The following MBTPS1 variants were observed in gnomAD, a reference collection of about 807,000 sequenced individuals.
MBTPS1 encodes membrane bound transcription factor peptidase, site 1, also known as membrane-bound transcription factor site-1 protease.
In MBTPS1, 94 loss-of-function variants were observed where a neutral mutation model predicts 127.8. The ratio of observed to expected loss-of-function variants is 0.74; its 90% CI spans 0.62 to 0.87. MBTPS1 has a LOEUF of 0.87. Among genes scored for constraint, MBTPS1 ranks in the 40% least tolerant of loss-of-function variants. The pLI, the probability that MBTPS1 is intolerant of heterozygous loss-of-function variation, is 0.00. For synonymous variants in MBTPS1, 632 were observed against 509.4 expected (o/e 1.24, Z -3.24); for missense variants, 1,636 against 1,353.2 (o/e 1.21, Z -3.28).
chr16:84,071,317 G>A (rs2085767034), intron 12 of MBTPS1, among the ~76,000 whole-genome samples: 1 of 152,240 alleles, frequency 6.6e-6, no homozygotes, highest in Non-Finnish European at 1.5e-5. Flanking sequence ...AGCGTGAGCA[G>A]AGGCCATCTG....
At position 84,059,284 on chromosome 16, in the gene MBTPS1, G is replaced by A. The variant is rs2085569927; in HGVS notation, c.2831+18C>T. 2 of 1,609,128 alleles carry A rather than the reference G, an allele frequency of 1.2e-6. No homozygotes were observed. The highest frequency in any genetic ancestry group is 1.3e-5 in the African/African-American group (1 of 74,882). On this transcript the variant is annotated intron_variant, in intron 21 of 22. Transcript: ENST00000343411. ...CAAGCCCCGTGGAAAGAGTGGAAGG[G>A]CACAGGCGGACACTAACCTGGGCGC...
intron 10 of MBTPS1, among the ~76,000 whole-genome samples, chr16:84,083,492 T>C (rs2085972360): frequency 6.6e-6 from 1 of 152,000 alleles, no homozygotes; most frequent in South Asian, 2.1e-4. Context: ...GGTCTCACTA[T>C]GTTGCCCCAG....
chr16:84,090,755 A>T, intron 8 of MBTPS1, 120 bp downstream of exon 8: 1 of 746,738 alleles, frequency 1.3e-6, no homozygotes, highest in Non-Finnish European at 2.3e-6. Flanking sequence ...AAACATCCTT[A>T]AGACAAGTTT....
chr16:84,060,377 T>A (rs563768970), intron 20 of MBTPS1: 1 of 260,958 alleles, frequency 3.8e-6, no homozygotes, highest in East Asian at 7.5e-5. Flanking sequence ...TGAAGATCTG[T>A]AGGAGCCACT....
intron 22 of MBTPS1, 137 bp from the exon 23 acceptor site, chr16:84,054,782 T>C: frequency 1.6e-6 from 1 of 634,682 alleles, no homozygotes; most frequent in Non-Finnish European, 2.6e-6. Context: ...ATACATCATT[T>C]TTAAGCCTTA....
chr16:84,106,491 A>T (rs911719672), intron 1 of MBTPS1, among the ~76,000 whole-genome samples: 1 of 152,172 alleles, frequency 6.6e-6, no homozygotes, highest in Non-Finnish European at 1.5e-5. Context: ...AAAGCAAGTG[A>T]AAAGGCCCTG....
intron 11 of MBTPS1, among the ~76,000 whole-genome samples, chr16:84,079,944 T>C (rs541908979): frequency 1.3e-5 from 2 of 152,200 alleles, no homozygotes; most frequent in Admixed American, 6.5e-5. Context: ...AGTGCCCAGG[T>C]CTTGATTTCT....
rs932506517 is a variant in MBTPS1 at position 84,084,966 on chromosome 16, T to C, written c.1286+17A>G. On this transcript the variant is annotated intron_variant, in intron 10 of 22. Coordinates refer to ENST00000343411, the MANE Select transcript of MBTPS1 (RefSeq NM_003791.4). ...TCCTGACGTGGGAGCTACTGGTCTCTAGGGGGCAGCACTCACCTCACTAAC... is the reference window on the plus strand; with the variant it reads ...TCCTGACGTGGGAGCTACTGGTCTCCAGGGGGCAGCACTCACCTCACTAAC... 3.1e-6 allele frequency: 5 copies of C among 1,612,504 alleles called. No homozygotes were observed. Among genetic ancestry groups the C allele is most frequent in the Non-Finnish European group, 4.2e-6 (5 of 1,179,248 alleles).
intron 7 of MBTPS1, 29 bp from the exon 8 acceptor site, chr16:84,090,971 G>GGGATAC: frequency 7.6e-7 from 1 of 1,320,690 alleles, no homozygotes; most frequent in Non-Finnish European, 1.1e-6. Flanking sequence ...TTTAATGAAA[G>GGGATAC]TATCCCTTTC....
chr16:84,085,085 C>T lies in MBTPS1; in HGVS notation c.1184G>A (p.Gly395Asp). ...GRMKPDIVTY[G>D]AGVRGSGVKG... ...CACGCCAGAACCCCGCACGCCAGCA[C>T]CATAGGTGACAATGTCAGGTTTCAT... The change falls in exon 10 of 23, where the codon GGT (glycine) becomes GAT (aspartate). Residue 395 changes from glycine (G) to aspartate (D), a missense_variant. Physicochemically the swap from Gly to Asp is moderately conservative, Grantham distance 94. Transcript: ENST00000343411. The T allele has an allele frequency of 1.2e-6, 2 of 1,614,194 alleles. No individual in the cohort carries two copies. Among genetic ancestry groups the T allele is most frequent in the Non-Finnish European group, 1.7e-6 (2 of 1,180,040 alleles).
intron 1 of MBTPS1, among the ~76,000 whole-genome samples, chr16:84,114,735 C>A (rs2086445780): frequency 6.7e-6 from 1 of 149,770 alleles, no homozygotes; most frequent in African/African-American, 2.5e-5. Context: ...GAGGCTGAGG[C>A]AGGAGAATCG....
At chr16:84,087,923 A>T (rs2086053810) in intron 8 of MBTPS1, among the ~76,000 whole-genome samples, 1 of 152,108 alleles carries the variant, frequency 6.6e-6, no homozygotes, top group Non-Finnish European at 1.5e-5. Flanking sequence ...ATAACCACAC[A>T]TTTACATCTG....
chr16:84,059,973 CTG>C (rs10535167), intron 20 of MBTPS1: 30,324 of 152,584 alleles, frequency 0.2, 3,577 homozygotes, highest in Non-Finnish European at 0.27. Flanking sequence ...ATAGTTTCAT[CTG>C]TGTTTCTTTT....
intron 9 of MBTPS1, chr16:84,086,328 C>T (rs1350376598): frequency 6.6e-6 from 1 of 152,082 alleles, no homozygotes; most frequent in African/African-American, 2.4e-5. Flanking sequence ...AGAGCATTTA[C>T]ACAGGGAGCT....
In MBTPS1 at chr16:84,087,470, G is replaced by C. The variant is rs780130087; in HGVS notation, c.1032-10C>G. The C allele has an allele frequency of 7.2e-6, 8 of 1,109,360 alleles. No individual in the cohort carries two copies. The Admixed American group carries it at 1.3e-4, about 18-fold the overall frequency. The allele number at this position is 1,109,360 out of a possible 1,614,324, so 68.7% of individuals were successfully genotyped here. A position where few individuals can be genotyped will look rare whatever the true frequency, so the allele number is the denominator to read the frequency against. ...AGGGTTATTCAGAGTGCTATATTGA[G>C]ACCAAAAAAAAAAAAAAAGAAAAGA... On this transcript the variant is annotated splice_polypyrimidine_tract_variant and intron_variant, in intron 8 of 22. Coordinates refer to ENST00000343411, the MANE Select transcript of MBTPS1 (RefSeq NM_003791.4).
At chr16:84,070,398 C>T (rs1479036572) in intron 13 of MBTPS1, among the ~76,000 whole-genome samples, 190 bp downstream of exon 13, 1 of 152,226 alleles carries the variant, frequency 6.6e-6, no homozygotes, top group Non-Finnish European at 1.5e-5. Flanking sequence ...AGCCCTAGCA[C>T]TCACTGACTG....
intron 1 of MBTPS1, among the ~76,000 whole-genome samples, chr16:84,112,767 G>GCTGGTC (rs1310455061): frequency 1.3e-5 from 2 of 151,778 alleles, no homozygotes; most frequent in African/African-American, 4.8e-5. Flanking sequence ...CCGAGGTCAG[G>GCTGGTC]AGTTCAAGAC....
At chr16:84,056,897 CG>C (rs1156976747) in intron 21 of MBTPS1, 12 of 152,198 alleles carry the variant, frequency 7.9e-5, no homozygotes, top group Non-Finnish European at 1.3e-4. Flanking sequence ...GGGAGGACAC[CG>C]GAGCTAGAGC....
chr16:84,083,443 G>C (rs1597328954), intron 10 of MBTPS1, among the ~76,000 whole-genome samples: 1 of 151,858 alleles, frequency 6.6e-6, no homozygotes, highest in Non-Finnish European at 1.5e-5. Context: ...GGAGGAAAGA[G>C]ATGGATATCT....
Sources: allele counts gnomAD v4.1 joint callset (sites outside exome capture counted in the v4.1 genomes callset), GRCh38; gene constraint gnomAD v4.1.1; transcripts MANE v1.5; gene names NCBI Gene and HGNC (gene_info 2026-07-23, HGNC 2026-07-21).